The following MTUS2 variants were observed in gnomAD, a reference collection of about 807,000 sequenced individuals.
MTUS2 encodes the protein microtubule associated scaffold protein 2.
A neutral mutation model predicts 114.1 loss-of-function variants in MTUS2; 40 were observed. The observed-to-expected ratio is 0.35, with a 90% CI of 0.27 to 0.46. MTUS2 has a LOEUF of 0.46. Among genes scored for constraint, MTUS2 ranks in the 20% least tolerant of loss-of-function variants. The pLI, the probability that MTUS2 is intolerant of heterozygous loss-of-function variation, is 1.00. For missense variants in MTUS2, 1,679 were observed against 1,705.4 expected (o/e 0.98, Z 0.27); for synonymous variants, 688 against 672.0 (o/e 1.02, Z -0.37).
intron 1 of MTUS2, among the ~76,000 whole-genome samples, chr13:28,839,565 T>TTTTA (rs1189778202): frequency 3.3e-5 from 5 of 152,152 alleles, no homozygotes; most frequent in African/African-American, 1.2e-4. Flanking sequence ...AGATTAAGTA[T>TTTTA]CTCTAAAATC....
intron 2 of MTUS2, among the ~76,000 whole-genome samples, chr13:28,886,775 G>A (rs556501341): frequency 1.3e-4 from 20 of 152,286 alleles, no homozygotes; most frequent in Non-Finnish European, 2.4e-4. Flanking sequence ...CAAAGTACAC[G>A]ACGTTTATGG....
chr13:29,230,861 A>G (rs1386611040), intron 5 of MTUS2, among the ~76,000 whole-genome samples: 1 of 152,224 alleles, frequency 6.6e-6, no homozygotes, highest in Admixed American at 6.5e-5. Context: ...TCTATGCAGA[A>G]GAGTATTTAG....
At chr13:29,350,607 C>T (rs1869149467) in intron 7 of MTUS2, among the ~76,000 whole-genome samples, 1 of 151,942 alleles carries the variant, frequency 6.6e-6, no homozygotes, top group Non-Finnish European at 1.5e-5. Flanking sequence ...AGTGGTATCT[C>T]ATGATGTTCA....
intron 6 of MTUS2, among the ~76,000 whole-genome samples, chr13:29,310,399 T>C (rs139727650): frequency 7.2e-5 from 11 of 152,364 alleles, no homozygotes; most frequent in African/African-American, 2.4e-4. Context: ...TTACCACTTC[T>C]ACTTTTTAGT....
chr13:29,307,957 T>TA (rs1164965337), intron 6 of MTUS2, among the ~76,000 whole-genome samples: 1 of 152,108 alleles, frequency 6.6e-6, no homozygotes, highest in African/African-American at 2.4e-5. Flanking sequence ...GTACCATCAA[T>TA]AAAGTCCCCT....
intron 5 of MTUS2, among the ~76,000 whole-genome samples, chr13:29,248,625 C>T (rs1897011556): frequency 6.6e-6 from 1 of 152,164 alleles, no homozygotes; most frequent in African/African-American, 2.4e-5. Context: ...CTGATACTCT[C>T]CATCTCCTCC....
At chr13:29,479,178 A>G (rs1205606456) in intron 9 of MTUS2, among the ~76,000 whole-genome samples, 1 of 152,216 alleles carries the variant, frequency 6.6e-6, no homozygotes, top group Non-Finnish European at 1.5e-5. Flanking sequence ...ATGTCTCCCC[A>G]GTTCGTAGCA....
At chr13:28,871,036 C>T (rs1340954205) in intron 2 of MTUS2, among the ~76,000 whole-genome samples, 2 of 152,150 alleles carry the variant, frequency 1.3e-5, no homozygotes, top group Non-Finnish European at 2.9e-5. Context: ...CATGGCCCCA[C>T]CTACATTAAT....
At chr13:29,189,909 T>C (rs767971292) in intron 5 of MTUS2, among the ~76,000 whole-genome samples, 3 of 152,206 alleles carry the variant, frequency 2.0e-5, no homozygotes, top group Non-Finnish European at 4.4e-5. Flanking sequence ...ATTTGGGAAA[T>C]AATTAGGCTT....
At position 29,165,874 on chromosome 13, in the gene MTUS2, G is replaced by A. The variant is rs1486749551; in HGVS notation, c.2644+64904G>A. Among the ~76,000 whole-genome samples, 5 of 152,152 alleles carry A rather than the reference G, an allele frequency of 3.3e-5. No homozygotes were observed. In the East Asian group the frequency reaches 9.6e-4, roughly 29 times the overall value. ...AATTTCCACAAAATTGATGCAGTGA[G>A]GAAGCATGTCTTTCACCAAAACACT... is the stretch of plus-strand genomic sequence containing the variant. On this transcript the variant is annotated intron_variant, in intron 5 of 15. Transcript: ENST00000612955.
intron 4 of MTUS2, among the ~76,000 whole-genome samples, chr13:29,063,022 T>A (rs1210503071): frequency 6.6e-6 from 1 of 152,202 alleles, no homozygotes; most frequent in African/African-American, 2.4e-5. Context: ...CACAAGATCT[T>A]GTTTGAGTGC....
At chr13:29,318,597 A>G (rs577516787) in intron 6 of MTUS2, among the ~76,000 whole-genome samples, 2 of 152,088 alleles carry the variant, frequency 1.3e-5, no homozygotes, top group South Asian at 2.1e-4. Flanking sequence ...TCATGTTTTC[A>G]TGGCTCCTTT....
intron 5 of MTUS2, among the ~76,000 whole-genome samples, chr13:29,227,618 T>C (rs991030126): frequency 7.9e-5 from 12 of 152,222 alleles, no homozygotes; most frequent in Non-Finnish European, 1.2e-4. Context: ...CATTCTTTCC[T>C]TTTGTGGAAA....
Position 28,897,849 on chromosome 13 carries a change from C to A in MTUS2, c.-243+57999C>A, listed in dbSNP as rs150288460. On this transcript the variant is annotated intron_variant, in intron 2 of 15. Transcript: ENST00000612955. The stretch of plus-strand genomic sequence containing the variant: ...TTCTCACTCATAGGTGGGAATTGAA[C>A]AATGAGAACATGGACACAAGAAGGG... Among the ~76,000 whole-genome samples, 590 of 140,404 alleles carry A rather than the reference C, an allele frequency of 4.2e-3. 4 individuals are homozygous for A. Among genetic ancestry groups the A allele is most frequent in the African/African-American group, 0.015 (562 of 37,320 alleles). The allele number at this position is 140,404 out of a possible 152,430, so 92.1% of individuals were successfully genotyped here.
chr13:28,940,077 C>T (rs186825799), intron 2 of MTUS2, among the ~76,000 whole-genome samples: 9 of 152,238 alleles, frequency 5.9e-5, no homozygotes, highest in Admixed American at 3.9e-4. Flanking sequence ...GTGGGAATTA[C>T]GGGAGCTACA....
chr13:29,197,199 C>T (rs1016461689), intron 5 of MTUS2, among the ~76,000 whole-genome samples: 3 of 152,158 alleles, frequency 2.0e-5, no homozygotes, highest in Non-Finnish European at 4.4e-5. Context: ...AGGTATTTGT[C>T]CTAATGATAT....
intron 2 of MTUS2, among the ~76,000 whole-genome samples, chr13:28,874,366 T>G (rs1052537267): frequency 5.9e-5 from 9 of 152,200 alleles, no homozygotes; most frequent in African/African-American, 2.2e-4. Context: ...GTATAATAAA[T>G]CCTACAAAAA....
chr13:29,019,225 T>C (rs1247597190), intron 2 of MTUS2, among the ~76,000 whole-genome samples: 1 of 152,130 alleles, frequency 6.6e-6, no homozygotes, highest in East Asian at 1.9e-4. Flanking sequence ...CTGCAGGGAC[T>C]GGTGGGAAGA....
At chr13:29,038,534 G>A (rs1371476445) in intron 4 of MTUS2, among the ~76,000 whole-genome samples, 2 of 152,248 alleles carry the variant, frequency 1.3e-5, no homozygotes, top group African/African-American at 2.4e-5. Flanking sequence ...ACCCACTTGA[G>A]GAGGCAGTCT....
Sources: gnomAD v4.1 joint callset for allele counts (sites outside exome capture counted in the v4.1 genomes callset) on GRCh38, gnomAD v4.1.1 for gene constraint, MANE v1.5 for transcripts, NCBI Gene and HGNC (gene_info 2026-07-23, HGNC 2026-07-21) for gene names.